The following MPP1 variants were observed in gnomAD, a reference collection of about 807,000 sequenced individuals.
The protein encoded by MPP1 is 55 kDa erythrocyte membrane protein.
MPP1 carries 6 observed loss-of-function variants against 38.2 expected under a neutral mutation model. That is an observed-to-expected ratio of 0.16 (90% CI 0.09 to 0.31). The LOEUF (loss-of-function observed/expected upper bound fraction) is 0.31. Among genes scored for constraint, MPP1 ranks in the 10% least tolerant of loss-of-function variants. The pLI, the probability that MPP1 is intolerant of heterozygous loss-of-function variation, is 1.00. For missense variants in MPP1, 293 were observed against 368.9 expected (o/e 0.79, Z 1.69); for synonymous variants, 153 against 146.3 (o/e 1.05, Z -0.33).
chrX:154,805,164 G>A, intron 1 of MPP1, 108 bp downstream of exon 1: 1 of 781,117 alleles, frequency 1.3e-6, no homozygotes, highest in Admixed American at 2.9e-5. Flanking sequence ...CTATGGCCAG[G>A]ACCCGCAAGG....
intron 6 of MPP1, 145 bp from the exon 7 acceptor site, chrX:154,785,302 T>TG (rs1262032597): frequency 1.3e-5 from 6 of 455,401 alleles, no homozygotes; most frequent in Non-Finnish European, 2.2e-5. Flanking sequence ...CCCCATACAC[T>TG]GTTTGGTGCA....
intron 1 of MPP1, among the ~76,000 whole-genome samples, chrX:154,801,620 G>T (rs191206184): frequency 9.2e-6 from 1 of 108,576 alleles, no homozygotes; most frequent in Non-Finnish European, 1.9e-5. Flanking sequence ...TTAGCCAGGC[G>T]TGTTGGCAGG....
chrX:154,790,906 T>G, intron 4 of MPP1, 77 bp downstream of exon 4: 3 of 881,498 alleles, frequency 3.4e-6, no homozygotes, highest in Non-Finnish European at 4.9e-6. Context: ...GACAGAGAGA[T>G]GAGGTCACTG....
chrX:154,802,548 G>A (rs2072278812), intron 1 of MPP1, among the ~76,000 whole-genome samples: 1 of 111,434 alleles, frequency 9.0e-6, no homozygotes, highest in African/African-American at 3.3e-5. Context: ...CTTCAAACAG[G>A]CCCGAAGAGA....
chrX:154,785,359 C>A (rs1297363502), intron 6 of MPP1, among the ~76,000 whole-genome samples: 1 of 110,424 alleles, frequency 9.1e-6, no homozygotes, highest in Non-Finnish European at 1.9e-5. Context: ...CTCCTTGAGT[C>A]TGTGTCATCT....
At chrX:154,803,236 C>A (rs2072285358) in intron 1 of MPP1, among the ~76,000 whole-genome samples, 1 of 112,694 alleles carries the variant, frequency 8.9e-6, no homozygotes, top group Non-Finnish European at 1.9e-5. Context: ...AAATAAGAAT[C>A]CGCAGGTTGT....
chrX:154,800,110 G>A (rs1381427571), intron 1 of MPP1, among the ~76,000 whole-genome samples: 1 of 112,533 alleles, frequency 8.9e-6, no homozygotes, highest in African/African-American at 3.2e-5. Flanking sequence ...AAGAAGGCGA[G>A]ATGATGCCAG....
rs1190378350 is a variant in MPP1 at position 154,778,769 on chromosome X, C to T, written c.*408G>A. The T allele has an allele frequency of 3.0e-5, 4 of 134,389 alleles. No homozygotes were observed. The highest frequency in any genetic ancestry group is 1.3e-4 in the African/African-American group (4 of 31,865). The allele number at this position is 134,389 out of a possible 1,213,427, so 11.1% of individuals were successfully genotyped here. Reference sequence around the variant, plus strand: ...CTATTGCACAGATGTGTCATTTTGGCATTATAGAAAGTTGCAGTTAAAAAC... The same window carrying T: ...CTATTGCACAGATGTGTCATTTTGGTATTATAGAAAGTTGCAGTTAAAAAC... On this transcript the variant is annotated 3_prime_UTR_variant, in exon 12 of 12. Transcript: ENST00000369534.
In MPP1 at chrX:154,784,044, C is replaced by T; in HGVS notation, c.849G>A (p.Lys283=). Residue 283 remains lysine (K), a synonymous_variant, in exon 8 of 12, where the codon AAG becomes AAA. Coordinates refer to ENST00000369534, the MANE Select transcript of MPP1 (RefSeq NM_002436.4). Reference sequence around the variant, plus strand: ...AGAAGATACCGATCAGCACCAGGGTCTTCCTCTTGAATGCAGGGAGCCGAA... The same window carrying T: ...AGAAGATACCGATCAGCACCAGGGTTTTCCTCTTGAATGCAGGGAGCCGAA... ...EVVRLPAFKR[K]TLVLIGASGV... 1 of 1,210,132 alleles carries T rather than the reference C, an allele frequency of 8.3e-7. No individual in the cohort carries two copies. The highest frequency in any genetic ancestry group is 1.7e-5 in the African/African-American group (1 of 57,616).
chrX:154,800,256 T>C (rs189573126), intron 1 of MPP1, among the ~76,000 whole-genome samples: 103 of 112,322 alleles, frequency 9.2e-4, no homozygotes, highest in African/African-American at 3.1e-3. Context: ...AGAAAGAGAT[T>C]AGCACTGTTT....
chrX:154,779,868 G>A (rs782039200), intron 11 of MPP1, among the ~76,000 whole-genome samples: 1 of 112,897 alleles, frequency 8.9e-6, no homozygotes, highest in Non-Finnish European at 1.9e-5. Context: ...ACAGGCATGC[G>A]CCACCACATC....
In MPP1 at chrX:154,778,703, T is replaced by C. The variant is rs188963771; in HGVS notation, c.*474A>G. On this transcript the variant is annotated 3_prime_UTR_variant, in exon 12 of 12. Coordinates refer to ENST00000369534, the MANE Select transcript of MPP1 (RefSeq NM_002436.4). ...AGGTCATTGGCATTTCAACACAGCA[T>C]TTTTATTGCTTTTGAAGGTTTCCCT... 1.7e-5 allele frequency: 2 copies of C among 116,075 alleles called. No homozygotes were observed. The highest frequency in any genetic ancestry group is 3.2e-5 in the African/African-American group (1 of 31,289). The allele number at this position is 116,075 out of a possible 1,213,427, so 9.6% of individuals were successfully genotyped here.
At chrX:154,799,847 A>G in intron 1 of MPP1, 1 of 1,164,655 alleles carries the variant, frequency 8.6e-7, no homozygotes, top group East Asian at 3.3e-5. Flanking sequence ...TTCAGAGGAA[A>G]CATCTGCAGC....
At chrX:154,781,957 G>C in intron 9 of MPP1, 155 bp from the exon 10 acceptor site, 1 of 465,609 alleles carries the variant, frequency 2.1e-6, no homozygotes, top group Non-Finnish European at 3.6e-6. Context: ...GCTGATGCTA[G>C]AAAGTGATGC....
At chrX:154,781,093 A>G in intron 11 of MPP1, 146 bp downstream of exon 11, 2 of 522,478 alleles carry the variant, frequency 3.8e-6, no homozygotes, top group Admixed American at 3.2e-5. Context: ...GAATGTGCAT[A>G]CCCTTTGGCT....
chrX:154,792,357 T>C, intron 1 of MPP1, 72 bp from the exon 2 acceptor site: 15 of 1,101,424 alleles, frequency 1.4e-5, no homozygotes, highest in Non-Finnish European at 1.5e-5. Flanking sequence ...CAATCTGCAA[T>C]TCTAACATTC....
intron 1 of MPP1, chrX:154,799,624 G>A (rs1284435385): frequency 2.7e-6 from 2 of 749,686 alleles, no homozygotes; most frequent in Non-Finnish European, 3.8e-6. Flanking sequence ...CATCTGTAGT[G>A]GATATAGGAG....
At chrX:154,787,248 C>T (rs2072090148) in intron 5 of MPP1, among the ~76,000 whole-genome samples, 1 of 111,070 alleles carries the variant, frequency 9.0e-6, no homozygotes, top group African/African-American at 3.3e-5. Flanking sequence ...CACTTCCCAA[C>T]TCATTATAAG....
intron 6 of MPP1, among the ~76,000 whole-genome samples, chrX:154,785,861 T>C (rs1557267146): frequency 3.6e-5 from 4 of 112,243 alleles, no homozygotes. Flanking sequence ...TCCAAGGAAA[T>C]CCCAGAAACA....
Sources: gnomAD v4.1 joint callset for allele counts (sites outside exome capture counted in the v4.1 genomes callset) on GRCh38, gnomAD v4.1.1 for gene constraint, MANE v1.5 for transcripts, NCBI Gene and HGNC (gene_info 2026-07-23, HGNC 2026-07-21) for gene names.